The following ADAMTS19 variants were observed in gnomAD, a reference collection of about 807,000 sequenced individuals.
ADAMTS19 encodes A disintegrin and metalloproteinase with thrombospondin motifs 19.
In ADAMTS19, 93 loss-of-function variants were observed where a neutral mutation model predicts 153.3. The ratio of observed to expected loss-of-function variants is 0.61; its 90% confidence interval spans 0.51 to 0.72. ADAMTS19 has a LOEUF of 0.72. ADAMTS19 is among the 30% of genes least tolerant of loss of function. The pLI, the probability that ADAMTS19 is intolerant of heterozygous loss-of-function variation, is 0.00. For missense variants in ADAMTS19, 1,482 were observed against 1,552.1 expected (o/e 0.95, Z 0.76); for synonymous variants, 600 against 556.6 (o/e 1.08, Z -1.10).
chr5:129,477,058 A>C (rs907507777), intron 2 of ADAMTS19, among the ~76,000 whole-genome samples: 1 of 152,158 alleles, frequency 6.6e-6, no homozygotes, highest in African/African-American at 2.4e-5. Flanking sequence ...ATAGATATAC[A>C]CAGGAAATCT....
chr5:129,551,616 C>G (rs907274809), intron 6 of ADAMTS19, among the ~76,000 whole-genome samples: 1 of 151,624 alleles, frequency 6.6e-6, no homozygotes, highest in Non-Finnish European at 1.5e-5. Context: ...TGGGATCTTA[C>G]TTTTGAAATA....
intron 18 of ADAMTS19, among the ~76,000 whole-genome samples, chr5:129,692,879 CCACT>C (rs1459615226): frequency 6.6e-6 from 1 of 152,154 alleles, no homozygotes; most frequent in African/African-American, 2.4e-5. Context: ...ACACCTCATT[CCACT>C]CAAAGGAAAG....
rs114859399 is a variant in ADAMTS19, at chr5:129,557,095, G to C, written c.1372+5188G>C. ...GTGGTATCAACAATTCTGTTTCTGT[G>C]GTTAGTTTTGAGAACTGGTAAAGAG... On this transcript the variant is annotated intron_variant, in intron 7 of 22. Coordinates refer to ENST00000274487, the MANE Select transcript of ADAMTS19 (RefSeq NM_133638.6). 7.7e-3 allele frequency among the ~76,000 whole-genome samples: 1,166 copies of C among 152,122 alleles called. 14 individuals carry two copies. Among genetic ancestry groups the C allele is most frequent in the African/African-American group, 0.027 (1,101 of 41,498 alleles).
chr5:129,631,447 A>G (rs1425340403), intron 10 of ADAMTS19, among the ~76,000 whole-genome samples: 1 of 151,948 alleles, frequency 6.6e-6, no homozygotes, highest in East Asian at 1.9e-4. Flanking sequence ...GAATTTAAAT[A>G]TCCTACTATG....
At chr5:129,562,583 T>C (rs1753560816) in intron 7 of ADAMTS19, among the ~76,000 whole-genome samples, 1 of 152,192 alleles carries the variant, frequency 6.6e-6, no homozygotes. Context: ...AATTCTGCCA[T>C]AAGCTGAGAA....
rs549917116 is a variant in ADAMTS19 at position 129,535,368 on chromosome 5, C to T, written c.1328+6691C>T. ...CCAACTTACAAGGGGTGTGAAGGAC[C>T]TCTTCAAGGAGAACTACAAACCACT... is the stretch of plus-strand genomic sequence containing the variant. On this transcript the variant is annotated intron_variant, in intron 6 of 22. Coordinates refer to ENST00000274487, the MANE Select transcript of ADAMTS19 (RefSeq NM_133638.6). 4.6e-3 allele frequency among the ~76,000 whole-genome samples: 694 copies of T among 152,156 alleles called. 7 individuals are homozygous for T. The highest frequency in any genetic ancestry group is 0.016 in the African/African-American group (647 of 41,490).
At chr5:129,623,665 A>T (rs2126983080) in intron 10 of ADAMTS19, among the ~76,000 whole-genome samples, 1 of 152,286 alleles carries the variant, frequency 6.6e-6, no homozygotes, top group African/African-American at 2.4e-5. Context: ...GCTTTTGATC[A>T]GTTTCACCCA....
chr5:129,646,354 TA>T (rs2127036306), intron 11 of ADAMTS19, among the ~76,000 whole-genome samples: 1 of 152,238 alleles, frequency 6.6e-6, no homozygotes, highest in African/African-American at 2.4e-5. Context: ...TTGACATTAT[TA>T]GAGAAAATCT....
intron 7 of ADAMTS19, among the ~76,000 whole-genome samples, chr5:129,582,837 G>C (rs932318705): frequency 1.3e-5 from 2 of 151,760 alleles, no homozygotes; most frequent in East Asian, 3.9e-4. Flanking sequence ...TCCCAAAAGT[G>C]CTGGGATTAC....
At chr5:129,563,532 A>C (rs1753595638) in intron 7 of ADAMTS19, among the ~76,000 whole-genome samples, 1 of 152,190 alleles carries the variant, frequency 6.6e-6, no homozygotes, top group African/African-American at 2.4e-5. Flanking sequence ...GATGGATTCA[A>C]GGTTGACAAT....
chr5:129,668,294 C>G (rs1754141812), intron 16 of ADAMTS19, among the ~76,000 whole-genome samples: 2 of 152,124 alleles, frequency 1.3e-5, no homozygotes, highest in South Asian at 4.1e-4. Flanking sequence ...AACTTAATAT[C>G]TGTAATTTTT....
chr5:129,595,717 G>T (rs571487592), intron 7 of ADAMTS19, among the ~76,000 whole-genome samples: 1 of 152,030 alleles, frequency 6.6e-6, no homozygotes, highest in African/African-American at 2.4e-5. Flanking sequence ...ATGAGGATAT[G>T]GGAAATAGAG....
At position 129,544,582 on chromosome 5, in the gene ADAMTS19, C is replaced by T. The variant is rs574843306; in HGVS notation, c.1329-7282C>T. On this transcript the variant is annotated intron_variant, in intron 6 of 22. Transcript: ENST00000274487. ...AAACCATAGCAAAAAATACAATAAG[C>T]GCACTTTCACTTGCACAGATGAGCC... Among the ~76,000 whole-genome samples the T allele has an allele frequency of 2.0e-5, 3 of 152,206 alleles. No homozygotes were observed. In the East Asian group the frequency reaches 5.8e-4, roughly 29 times the overall value.
At chr5:129,694,074 G>A (rs1262757172) in intron 18 of ADAMTS19, among the ~76,000 whole-genome samples, 1 of 152,116 alleles carries the variant, frequency 6.6e-6, no homozygotes, top group Admixed American at 6.6e-5. Context: ...TGGAAATAGA[G>A]CTTTCCACCA....
intron 8 of ADAMTS19, among the ~76,000 whole-genome samples, chr5:129,602,605 A>G (rs1750713997): frequency 1.3e-5 from 2 of 152,198 alleles, no homozygotes; most frequent in South Asian, 2.1e-4. Flanking sequence ...TTTTCAGTTT[A>G]TGCAATATTA....
At chr5:129,734,114 G>T (rs1228595927) in intron 21 of ADAMTS19, among the ~76,000 whole-genome samples, 4 of 151,792 alleles carry the variant, frequency 2.6e-5, no homozygotes, top group Non-Finnish European at 5.9e-5. Context: ...GTTCTTACTT[G>T]TAAGTGGGAA....
intron 10 of ADAMTS19, among the ~76,000 whole-genome samples, chr5:129,630,763 AG>A (rs1328446902): frequency 2.0e-5 from 3 of 152,112 alleles, no homozygotes; most frequent in Non-Finnish European, 4.4e-5. Context: ...ATTTTATCTT[AG>A]GAAAACTCTG....
intron 10 of ADAMTS19, among the ~76,000 whole-genome samples, chr5:129,637,442 A>G (rs1752581172): frequency 6.6e-6 from 1 of 152,152 alleles, no homozygotes; most frequent in Admixed American, 6.5e-5. Context: ...CACTATTTTT[A>G]CTTTCTTTTA....
chr5:129,493,040 C>G (rs1050978932), intron 2 of ADAMTS19, among the ~76,000 whole-genome samples: 2 of 152,054 alleles, frequency 1.3e-5, no homozygotes, highest in African/African-American at 4.8e-5. Context: ...TGTTGAATTT[C>G]ATAAAACAAA....
Sources: gnomAD v4.1 joint callset for allele counts (sites outside exome capture counted in the v4.1 genomes callset) on GRCh38, gnomAD v4.1.1 for gene constraint, MANE v1.5 for transcripts, NCBI Gene and HGNC (gene_info 2026-07-23, HGNC 2026-07-21) for gene names.